CUL3: variants seen among roughly 807,000 people sequenced by gnomAD.
CUL3 encodes cullin-3.
In CUL3, 19 loss-of-function variants were observed where a neutral mutation model predicts 89.1. That is an observed-to-expected ratio of 0.21 (90% CI 0.15 to 0.31). CUL3 has a LOEUF of 0.31. CUL3 is among the 10% of genes least tolerant of loss of function. The pLI is 1.00. For missense variants in CUL3, 469 were observed against 942.3 expected (o/e 0.50, Z 6.58); for synonymous variants, 351 against 308.4 (o/e 1.14, Z -1.45).
intron 2 of CUL3, among the ~76,000 whole-genome samples, chr2:224,548,181 G>A (rs998825203): frequency 1.3e-5 from 2 of 152,184 alleles, no homozygotes; most frequent in African/African-American, 4.8e-5. Flanking sequence ...AAAGTGCTTA[G>A]AACAGATTAT....
intron 1 of CUL3, among the ~76,000 whole-genome samples, chr2:224,567,688 C>T (rs1317073274): frequency 7.9e-5 from 12 of 151,468 alleles, no homozygotes; most frequent in Non-Finnish European, 1.5e-4. Context: ...TGCAGTAAGC[C>T]GAGATTGTGC....
At chr2:224,480,608 A>G (rs1192425458) in intron 14 of CUL3, among the ~76,000 whole-genome samples, 2 of 152,166 alleles carry the variant, frequency 1.3e-5, no homozygotes, top group African/African-American at 4.8e-5. Flanking sequence ...CTAATATCTG[A>G]TATTATTATT....
chr2:224,519,451 G>A (rs1341495348), intron 3 of CUL3, among the ~76,000 whole-genome samples: 1 of 152,096 alleles, frequency 6.6e-6, no homozygotes, highest in Non-Finnish European at 1.5e-5. Flanking sequence ...GGGTTACTGT[G>A]GTGTAAGAGC....
At chr2:224,578,804 C>T (rs932817244) in intron 1 of CUL3, among the ~76,000 whole-genome samples, 3 of 152,074 alleles carry the variant, frequency 2.0e-5, no homozygotes, top group Non-Finnish European at 2.9e-5. Context: ...CATCCATGTA[C>T]TCTGGAATGA....
intron 1 of CUL3, among the ~76,000 whole-genome samples, chr2:224,581,048 T>A (rs1695424431): frequency 6.6e-6 from 1 of 152,170 alleles, no homozygotes; most frequent in Non-Finnish European, 1.5e-5. Context: ...ATATTACATA[T>A]TTTACATTTG....
At chr2:224,494,136 C>G (rs1301972893) in intron 13 of CUL3, among the ~76,000 whole-genome samples, 1 of 152,130 alleles carries the variant, frequency 6.6e-6, no homozygotes, top group Non-Finnish European at 1.5e-5. Flanking sequence ...AACTTCCATA[C>G]TCCCATATAA....
At chr2:224,482,470 T>C (rs1380484743) in intron 13 of CUL3, among the ~76,000 whole-genome samples, 1 of 152,066 alleles carries the variant, frequency 6.6e-6, no homozygotes, top group East Asian at 1.9e-4. Flanking sequence ...GACTACTCTT[T>C]TGCTTAGTAA....
intron 1 of CUL3, 38 bp from the exon 2 acceptor site, chr2:224,557,894 A>C (rs2106305585): frequency 2.6e-6 from 3 of 1,149,724 alleles, no homozygotes; most frequent in Non-Finnish European, 3.7e-6. Context: ...AAAAAAAAAA[A>C]AAAAAAAAAA....
At chr2:224,573,859 A>G (rs972701303) in intron 1 of CUL3, among the ~76,000 whole-genome samples, 1 of 152,212 alleles carries the variant, frequency 6.6e-6, no homozygotes, top group Non-Finnish European at 1.5e-5. Flanking sequence ...TCAGGATTTC[A>G]GATAATTAGT....
At chr2:224,475,996 A>G (rs1328206868) in intron 15 of CUL3, among the ~76,000 whole-genome samples, 2 of 151,952 alleles carry the variant, frequency 1.3e-5, no homozygotes, top group Non-Finnish European at 2.9e-5. Flanking sequence ...ATTTTACTGA[A>G]ACACAGTCAC....
intron 1 of CUL3, among the ~76,000 whole-genome samples, chr2:224,579,948 T>C (rs1695395549): frequency 6.6e-6 from 1 of 151,998 alleles, no homozygotes; most frequent in Non-Finnish European, 1.5e-5. Context: ...ACAGTAAAAA[T>C]GGTAAGAAAT....
intron 3 of CUL3, among the ~76,000 whole-genome samples, chr2:224,517,572 C>T (rs1693105623): frequency 6.6e-6 from 1 of 152,178 alleles, no homozygotes; most frequent in African/African-American, 2.4e-5. Flanking sequence ...ACTCGGGAGG[C>T]TGAGGCAGAA....
At chr2:224,542,999 C>T (rs572435006) in intron 2 of CUL3, among the ~76,000 whole-genome samples, 1 of 152,300 alleles carries the variant, frequency 6.6e-6, no homozygotes, top group African/African-American at 2.4e-5. Flanking sequence ...CTCCCATACC[C>T]CACAACACAC....
chr2:224,495,997 G>T (rs2106180498), intron 12 of CUL3, 31 bp from the exon 13 acceptor site: 3 of 1,606,600 alleles, frequency 1.9e-6, no homozygotes, highest in South Asian at 1.1e-5. Context: ...TATAAACAAA[G>T]ACACAATCAT....
intron 11 of CUL3, among the ~76,000 whole-genome samples, chr2:224,498,326 CTTTG>C (rs1299184442): frequency 6.6e-6 from 1 of 152,052 alleles, no homozygotes; most frequent in Non-Finnish European, 1.5e-5. Context: ...TAAACTCTCC[CTTTG>C]TTTTTGTTGT....
chr2:224,492,174 G>A (rs1692008597), intron 13 of CUL3, among the ~76,000 whole-genome samples: 1 of 152,230 alleles, frequency 6.6e-6, no homozygotes, highest in South Asian at 2.1e-4. Flanking sequence ...TGCCTTCTGA[G>A]TTCAAAGTTC....
intron 6 of CUL3, among the ~76,000 whole-genome samples, chr2:224,507,710 T>C (rs1211938924): frequency 6.6e-6 from 1 of 152,180 alleles, no homozygotes; most frequent in Non-Finnish European, 1.5e-5. Flanking sequence ...ATGAAAACTC[T>C]GGATCCTATC....
intron 3 of CUL3, among the ~76,000 whole-genome samples, chr2:224,526,800 G>C (rs560756177): frequency 6.8e-6 from 1 of 146,282 alleles, no homozygotes; most frequent in South Asian, 2.1e-4. Context: ...CTGGGCGACA[G>C]AGCAAGACTA....
intron 1 of CUL3, among the ~76,000 whole-genome samples, chr2:224,572,480 T>TAAA (rs777832978): frequency 1.5e-5 from 2 of 133,042 alleles, no homozygotes. Flanking sequence ...CCCTGTCTCT[T>TAAA]AAAAAAAAAA....
Sources: gnomAD v4.1 joint callset for allele counts (sites outside exome capture counted in the v4.1 genomes callset) on GRCh38, gnomAD v4.1.1 for gene constraint, MANE v1.5 for transcripts, NCBI Gene and HGNC (gene_info 2026-07-23, HGNC 2026-07-21) for gene names.